STX1B: variants seen among roughly 807,000 people sequenced by gnomAD.
STX1B encodes syntaxin-1B.
Under a neutral mutation model 39.4 loss-of-function variants are expected in STX1B, and 7 were observed. The ratio of observed to expected loss-of-function variants is 0.18; its 90% CI spans 0.10 to 0.33. The LOEUF is 0.33. STX1B is among the 10% of genes least tolerant of loss of function. The probability of loss-of-function intolerance (pLI) is 1.00; values close to 1 mark genes in which losing one functional copy is unlikely to be tolerated. For synonymous variants in STX1B, 136 were observed against 144.1 expected, an observed-to-expected ratio of 0.94 and a Z score of 0.40; for missense variants, 198 against 383.2, an observed-to-expected ratio of 0.52 and a Z score of 4.04.
In STX1B at chr16:31,000,773, A is replaced by G. The variant is rs921781642; in HGVS notation, c.280+155T>C. The G allele has an allele frequency of 5.3e-6, 4 of 754,586 alleles. No homozygotes were observed. In the African/African-American group the frequency reaches 7.0e-5, roughly 13 times the overall value. The allele number at this position is 754,586 out of a possible 1,614,324, so 46.7% of individuals were successfully genotyped here. ...CCAAACTGGCCCAGCTAATTTTTGT[A>G]TTTTTTGTAGAGACAGAGTTTTGCC... On this transcript the variant is annotated intron_variant, in intron 4 of 9. Transcript: ENST00000215095.
chr16:30,993,555 C>T (rs2056575022), intron 7 of STX1B, 71 bp from the exon 8 acceptor site: 2 of 1,571,910 alleles, frequency 1.3e-6, no homozygotes, highest in East Asian at 4.5e-5. Context: ...GTGGAGTGGC[C>T]AGGGTCAAAT....
rs1596723847 is a variant in STX1B, at chr16:31,010,216, C to T, written c.30+151G>A. The T allele has an allele frequency of 1.2e-5, 6 of 488,450 alleles. No homozygotes were observed. The East Asian group carries it at 2.2e-4, about 18-fold the overall frequency. The allele number at this position is 488,450 out of a possible 1,614,324, so 30.3% of individuals were successfully genotyped here. A position where few individuals can be genotyped will look rare whatever the true frequency, so the allele number is the denominator to read the frequency against. ...CCAAAATGCAGGTTCACTGGAGAGA[C>T]ATCAGGCGCCTGAAGATACTGGGGT... On this transcript the variant is annotated intron_variant, in intron 1 of 9. Coordinates refer to ENST00000215095, the MANE Select transcript of STX1B (RefSeq NM_052874.5).
chr16:30,998,545 T>C lies in STX1B; in HGVS notation c.281-970A>G, dbSNP rs79086360. On this transcript the variant is annotated intron_variant, in intron 4 of 9. Transcript: ENST00000215095. Reference sequence around the variant, plus strand: ...GGGAGGGGTCTCTTACAGGATCTCATTGACTTTTTACAACATTCCTGGGAG... The same window carrying C: ...GGGAGGGGTCTCTTACAGGATCTCACTGACTTTTTACAACATTCCTGGGAG... Among the ~76,000 whole-genome samples, 1,110 of 152,322 alleles carry C rather than the reference T, an allele frequency of 7.3e-3. 8 individuals carry two copies. Among genetic ancestry groups the C allele is most frequent in the East Asian group, 0.047 (244 of 5,178 alleles).
chr16:31,006,015 C>G (rs1188902388), intron 1 of STX1B, among the ~76,000 whole-genome samples: 4 of 152,162 alleles, frequency 2.6e-5, no homozygotes, highest in Non-Finnish European at 5.9e-5. Context: ...GCCAGCAAGT[C>G]AGTGACCAGA....
chr16:31,010,076 C>T (rs978502380), intron 1 of STX1B, among the ~76,000 whole-genome samples: 3 of 152,070 alleles, frequency 2.0e-5, no homozygotes, highest in Non-Finnish European at 2.9e-5. Context: ...CCACTCTCTC[C>T]CATCCCCAGA....
chr16:30,991,079 C>G lies in STX1B; in HGVS notation c.*1742G>C, dbSNP rs766335154. ...TGAGGTGGGTGTGTGAGGAAGGGGT[C>G]GTGTCCTGATCTTTGATCCCTGCAG... On this transcript the variant is annotated 3_prime_UTR_variant, in exon 10 of 10. Coordinates refer to ENST00000215095, the MANE Select transcript of STX1B (RefSeq NM_052874.5). The G allele has an allele frequency of 6.5e-6, 1 of 152,694 alleles. No homozygotes were observed. The highest frequency in any genetic ancestry group is 1.9e-4 in the East Asian group (1 of 5,198). 9.5% of individuals were successfully genotyped at this position (152,694 alleles called of 1,614,324 possible).
chr16:30,997,613 G>T, intron 4 of STX1B, 38 bp from the exon 5 acceptor site: 1 of 1,562,296 alleles, frequency 6.4e-7, no homozygotes, highest in Non-Finnish European at 8.7e-7. Context: ...CGGGAGACCC[G>T]GGGCACATGG....
chr16:31,001,699 C>G lies in STX1B; in HGVS notation c.31-96G>C. On this transcript the variant is annotated intron_variant, in intron 1 of 9. Transcript: ENST00000215095. This position sits in a 1 kb window ranked among gnomAD's most constrained non-coding sequence, Gnocchi z 5.5. ...CCACCCTCTCCCTGCTATGCACACA[C>G]AGGTGCTCCCAGCTCTAGGCTCAGA... The G allele has an allele frequency of 1.1e-6, 1 of 918,258 alleles. No homozygotes were observed. The highest frequency in any genetic ancestry group is 1.7e-6 in the Non-Finnish European group (1 of 595,704). The allele number at this position is 918,258 out of a possible 1,614,324, so 56.9% of individuals were successfully genotyped here.
chr16:30,996,959 A>G lies in STX1B; in HGVS notation c.455T>C (p.Leu152Pro). 6.2e-7 allele frequency: 1 copy of G among 1,612,272 alleles called. No homozygotes were observed. The highest frequency in any genetic ancestry group is 8.5e-7 in the Non-Finnish European group (1 of 1,179,520). The change falls in exon 6 of 10, where the codon CTG becomes CCG. Residue 152 changes from leucine (L) to proline (P), a missense_variant. Leu to Pro is a moderately conservative substitution (Grantham distance 98). Transcript: ENST00000215095. ...GTGGGGGGCACACGCACTGATCTCC[A>G]GTTGCCGCTGGATCCGGTCCTTGCA... Reference protein sequence around the residue: ...DRCKDRIQRQLEITGRTTTNE... With the variant: ...DRCKDRIQRQPEITGRTTTNE...
At position 31,001,263 on chromosome 16, in the gene STX1B, A is replaced by G; in HGVS notation, c.106-70T>C. On this transcript the variant is annotated intron_variant, in intron 2 of 9. Coordinates refer to ENST00000215095, the MANE Select transcript of STX1B (RefSeq NM_052874.5). This position sits in a 1 kb window ranked among gnomAD's most constrained non-coding sequence, Gnocchi z 5.5. ...ACAACGGGTTCCAGGGGAACCAGCCAGGGTTCAGGGGAATGGACCAGCCCC... is the reference window on the plus strand; with the variant it reads ...ACAACGGGTTCCAGGGGAACCAGCCGGGGTTCAGGGGAATGGACCAGCCCC... 1 of 1,476,352 alleles carries G rather than the reference A, an allele frequency of 6.8e-7. No homozygotes were observed. The highest frequency in any genetic ancestry group is 2.3e-5 in the East Asian group (1 of 43,948). 91.5% of individuals were successfully genotyped at this position (1,476,352 alleles called of 1,614,324 possible).
intron 1 of STX1B, among the ~76,000 whole-genome samples, chr16:31,005,470 C>CTTTTTTTTTTTTTTTTTTTTTTT (rs35407745): frequency 1.8e-5 from 2 of 113,730 alleles, no homozygotes; most frequent in Non-Finnish European, 3.3e-5. Flanking sequence ...TTTCTTTTTC[C>CTTTTTTTTTTTTTTTTTTTTTTT]TTTTTTTTTT....
intron 7 of STX1B, 99 bp downstream of exon 7, chr16:30,996,584 C>T (rs1035762283): frequency 4.5e-6 from 5 of 1,112,564 alleles, no homozygotes; most frequent in African/African-American, 1.6e-5. Context: ...TCCCGCTGCT[C>T]ATTTTTCCAG....
rs1175578226 is a variant in STX1B at position 31,001,250 on chromosome 16, A to G, written c.106-57T>C. On this transcript the variant is annotated intron_variant, in intron 2 of 9. Coordinates refer to ENST00000215095, the MANE Select transcript of STX1B (RefSeq NM_052874.5). This position sits in a 1 kb window ranked among gnomAD's most constrained non-coding sequence, Gnocchi z 5.5. ...GCTGTCAGGCCAAACAACGGGTTCC[A>G]GGGGAACCAGCCAGGGTTCAGGGGA... 1.3e-6 allele frequency: 2 copies of G among 1,537,388 alleles called. No homozygotes were observed. Among genetic ancestry groups the G allele is most frequent in the Non-Finnish European group, 1.8e-6 (2 of 1,118,374 alleles).
chr16:31,008,626 T>C (rs1159056906), intron 1 of STX1B, among the ~76,000 whole-genome samples: 2 of 152,038 alleles, frequency 1.3e-5, no homozygotes, highest in Admixed American at 6.6e-5. Flanking sequence ...TTTCCCCAAC[T>C]CTAAAATGAA....
In STX1B at chr16:30,992,007, T is replaced by G. The variant is rs1012200381; in HGVS notation, c.*814A>C. 2.0e-5 allele frequency: 3 copies of G among 151,634 alleles called. No individual in the cohort carries two copies. The highest frequency in any genetic ancestry group is 2.9e-5 in the Non-Finnish European group (2 of 67,918). 9.4% of individuals were successfully genotyped at this position (151,634 alleles called of 1,614,324 possible). A position where few individuals can be genotyped will look rare whatever the true frequency, so the allele number is the denominator to read the frequency against. Reference sequence around the variant, plus strand: ...CTAGGTAGCAAGAAATACACATTTCTGTGCCCTCCCAAAACAGGTGTCCAG... The same window carrying G: ...CTAGGTAGCAAGAAATACACATTTCGGTGCCCTCCCAAAACAGGTGTCCAG... On this transcript the variant is annotated 3_prime_UTR_variant, in exon 10 of 10. Coordinates refer to ENST00000215095, the MANE Select transcript of STX1B (RefSeq NM_052874.5).
intron 1 of STX1B, among the ~76,000 whole-genome samples, chr16:31,008,233 C>A (rs1187461854): frequency 7.5e-6 from 1 of 132,762 alleles, no homozygotes; most frequent in Non-Finnish European, 1.6e-5. Context: ...GCTTTTCCCA[C>A]CCCGCCCGCC....
intron 1 of STX1B, among the ~76,000 whole-genome samples, chr16:31,003,924 G>A (rs190999820): frequency 1.1e-3 from 162 of 152,310 alleles, no homozygotes; most frequent in Admixed American, 3.4e-3. Context: ...GAAGCCAGGG[G>A]GGTAAAAGGA....
intron 7 of STX1B, chr16:30,996,197 AG>A (rs1340691097): frequency 6.6e-6 from 1 of 152,272 alleles, no homozygotes; most frequent in Non-Finnish European, 1.5e-5. Flanking sequence ...AAAGAAAAAA[AG>A]TTTTTTTTAA....
chr16:30,998,015 C>A (rs1484039285), intron 4 of STX1B, among the ~76,000 whole-genome samples: 1 of 152,186 alleles, frequency 6.6e-6, no homozygotes, highest in African/African-American at 2.4e-5. Flanking sequence ...TGATGGAAGG[C>A]AGTCACCTCC....
Sources: gnomAD v4.1 joint callset for allele counts (sites outside exome capture counted in the v4.1 genomes callset) on GRCh38, gnomAD v4.1.1 for gene constraint, Gnocchi (gnomAD v3.1) non-coding constraint, MANE v1.5 for transcripts, NCBI Gene and HGNC (gene_info 2026-07-23, HGNC 2026-07-21) for gene names.